Variants in BCL2L1 observed in about 807,000 individuals in gnomAD.
BCL2L1 encodes BCL2 like 1, also known as bcl-2-like protein 1.
Under a neutral mutation model 18.7 loss-of-function variants are expected in BCL2L1, and 1 was observed. The ratio of observed to expected loss-of-function variants is 0.05; its 90% CI spans 0.02 to 0.25. The LOEUF (loss-of-function observed/expected upper bound fraction) is 0.25, where lower values mean the gene tolerates loss of function less well. Ranked by LOEUF, BCL2L1 falls within the 10% of genes least tolerant of loss-of-function variation. BCL2L1 has a pLI of 1.00. For missense variants in BCL2L1, 207 were observed against 304.9 expected (o/e 0.68, Z 2.39); for synonymous variants, 103 against 122.7 (o/e 0.84, Z 1.06).
At chr20:31,666,973 T>C (rs569904289) in intron 2 of BCL2L1, among the ~76,000 whole-genome samples, 1 of 152,278 alleles carries the variant, frequency 6.6e-6, no homozygotes, top group East Asian at 1.9e-4. Context: ...ACATAACTTT[T>C]ATGAGTAAGC....
chr20:31,683,740 G>C, intron 2 of BCL2L1, among the ~76,000 whole-genome samples: 1 of 124,880 alleles, frequency 8.0e-6, no homozygotes, highest in East Asian at 3.2e-4. Context: ...CTGCACTCCA[G>C]CCTGGGCAAC....
At chr20:31,677,182 ATTT>A (rs552709722) in intron 2 of BCL2L1, among the ~76,000 whole-genome samples, 2 of 139,534 alleles carry the variant, frequency 1.4e-5, no homozygotes, top group African/African-American at 2.7e-5. Flanking sequence ...TCCTTATTTA[ATTT>A]TTTTTTTTTT....
At chr20:31,712,794 G>A (rs1477681833) in intron 2 of BCL2L1, among the ~76,000 whole-genome samples, 1 of 152,104 alleles carries the variant, frequency 6.6e-6, no homozygotes, top group Admixed American at 6.5e-5. Flanking sequence ...GGCCAGGGAG[G>A]AGGGAGGGGA....
chr20:31,702,943 T>A (rs1464495159), intron 2 of BCL2L1, among the ~76,000 whole-genome samples: 5 of 134,356 alleles, frequency 3.7e-5, no homozygotes, highest in Middle Eastern at 4.0e-3. Context: ...CAAGACTCCA[T>A]CTCAAAAAAA....
chr20:31,706,912 A>C (rs1041394134), intron 2 of BCL2L1, among the ~76,000 whole-genome samples: 1 of 152,210 alleles, frequency 6.6e-6, no homozygotes, highest in Non-Finnish European at 1.5e-5. Flanking sequence ...GAGCTTGGGC[A>C]AGAGGCTTGA....
chr20:31,697,553 T>G (rs1470415859), intron 2 of BCL2L1, among the ~76,000 whole-genome samples: 1 of 151,980 alleles, frequency 6.6e-6, no homozygotes, highest in Non-Finnish European at 1.5e-5. Flanking sequence ...TTCTCCTGCC[T>G]TAGCCTCCCA....
At chr20:31,694,132 C>T (rs987224061) in intron 2 of BCL2L1, among the ~76,000 whole-genome samples, 3 of 152,132 alleles carry the variant, frequency 2.0e-5, no homozygotes, top group Admixed American at 6.6e-5. Context: ...GGATCAAGCA[C>T]CACGCCCAGG....
chr20:31,707,199 G>C (rs1290047664), intron 2 of BCL2L1, among the ~76,000 whole-genome samples: 1 of 152,200 alleles, frequency 6.6e-6, no homozygotes, highest in Non-Finnish European at 1.5e-5. Context: ...GGGCCTTGTA[G>C]AGGAGGTAGG....
At chr20:31,702,675 G>C (rs2061298147) in intron 2 of BCL2L1, among the ~76,000 whole-genome samples, 1 of 151,358 alleles carries the variant, frequency 6.6e-6, no homozygotes, top group South Asian at 2.1e-4. Flanking sequence ...CACCAAGCCT[G>C]GCTAATTTTG....
At chr20:31,693,871 G>C (rs944316342) in intron 2 of BCL2L1, among the ~76,000 whole-genome samples, 1 of 151,942 alleles carries the variant, frequency 6.6e-6, no homozygotes, top group South Asian at 2.1e-4. Flanking sequence ...TGGGTGATGA[G>C]TTTACAAGTG....
At chr20:31,674,510 T>G (rs1323043196) in intron 2 of BCL2L1, among the ~76,000 whole-genome samples, 2 of 152,184 alleles carry the variant, frequency 1.3e-5, no homozygotes, top group African/African-American at 4.8e-5. Flanking sequence ...CTTCTGTGGC[T>G]GAGGAAGGCC....
At chr20:31,688,819 A>G (rs567333353) in intron 2 of BCL2L1, among the ~76,000 whole-genome samples, 2 of 152,374 alleles carry the variant, frequency 1.3e-5, no homozygotes, top group East Asian at 3.9e-4. Context: ...CCTGTGTAGA[A>G]TACTATGCAG....
chr20:31,715,733 T>C (rs1346728927), intron 2 of BCL2L1, among the ~76,000 whole-genome samples: 2 of 152,320 alleles, frequency 1.3e-5, no homozygotes, highest in African/African-American at 2.4e-5. Context: ...AGCTGTCCTT[T>C]TGTAAAAGAA....
At chr20:31,677,866 C>T (rs534426553) in intron 2 of BCL2L1, among the ~76,000 whole-genome samples, 2 of 152,318 alleles carry the variant, frequency 1.3e-5, no homozygotes, top group African/African-American at 4.8e-5. Flanking sequence ...TCCCCTAGGC[C>T]TTGCCCAGTG....
chr20:31,708,803 A>C (rs1416280944), intron 2 of BCL2L1, among the ~76,000 whole-genome samples: 1 of 152,208 alleles, frequency 6.6e-6, no homozygotes, highest in African/African-American at 2.4e-5. Flanking sequence ...GGGCAGCAAG[A>C]AAGTTAGGCC....
At chr20:31,698,243 A>G (rs891610418) in intron 2 of BCL2L1, among the ~76,000 whole-genome samples, 2 of 151,950 alleles carry the variant, frequency 1.3e-5, no homozygotes, top group Non-Finnish European at 2.9e-5. Context: ...AAAACCCTCC[A>G]ATGACTCTTT....
rs2122871366 is a variant in BCL2L1 at position 31,721,700 on chromosome 20, G to A, written c.519C>T (p.Tyr173=). 2 of 1,613,784 alleles carry A rather than the reference G, an allele frequency of 1.2e-6. No individual in the cohort carries two copies. Among genetic ancestry groups the A allele is most frequent in the Non-Finnish European group, 1.7e-6 (2 of 1,179,842 alleles). ...VSRIAAWMAT[Y]LNDHLEPWIQ... ...TCCAAGGCTCTAGGTGGTCATTCAG[G>A]TAAGTGGCCATCCAAGCTGCGATCC... The change falls in exon 2 of 3, where the codon TAC becomes TAT. Residue 173 remains tyrosine, a synonymous_variant. Coordinates refer to ENST00000307677, the MANE Select transcript of BCL2L1 (RefSeq NM_138578.3).
chr20:31,689,252 A>G (rs1568869178), intron 2 of BCL2L1, among the ~76,000 whole-genome samples: 1 of 90,486 alleles, frequency 1.1e-5, no homozygotes, highest in Non-Finnish European at 2.2e-5. Flanking sequence ...AGGGGAAGGG[A>G]AAGGGAGGGA....
chr20:31,694,398 G>A (rs764525944), intron 2 of BCL2L1, among the ~76,000 whole-genome samples: 1 of 152,152 alleles, frequency 6.6e-6, no homozygotes, highest in Non-Finnish European at 1.5e-5. Context: ...ATTAGCACCT[G>A]CTGAGAATGA....
Sources: gnomAD v4.1 joint callset for allele counts (sites outside exome capture counted in the v4.1 genomes callset) on GRCh38, gnomAD v4.1.1 for gene constraint, MANE v1.5 for transcripts, NCBI Gene and HGNC (gene_info 2026-07-23, HGNC 2026-07-21) for gene names.